SORCS2: variants seen among roughly 807,000 people sequenced by gnomAD.
SORCS2 encodes the protein VPS10 domain-containing receptor SorCS2.
A neutral mutation model predicts 141.6 loss-of-function variants in SORCS2; 100 were observed. That is an observed-to-expected ratio of 0.71 (90% confidence interval 0.60 to 0.83). The LOEUF (loss-of-function observed/expected upper bound fraction) is 0.83, where lower values mean the gene tolerates loss of function less well. Among genes scored for constraint, SORCS2 ranks in the 40% least tolerant of loss-of-function variants. The probability of loss-of-function intolerance (pLI) is 0.00; values close to 1 mark genes in which losing one functional copy is unlikely to be tolerated. For synonymous variants in SORCS2, 789 were observed against 676.9 expected, an observed-to-expected ratio of 1.17 and a Z score of -2.57; for missense variants, 1,646 against 1,560.2, an observed-to-expected ratio of 1.05 and a Z score of -0.93.
At chr4:7,416,758 A>G (rs1047548917) in intron 2 of SORCS2, among the ~76,000 whole-genome samples, 6 of 151,638 alleles carry the variant, frequency 4.0e-5, no homozygotes, top group Non-Finnish European at 8.8e-5. Flanking sequence ...TTGTGCGCAC[A>G]CAGACACATG....
intron 2 of SORCS2, among the ~76,000 whole-genome samples, chr4:7,512,470 G>T (rs992590101): frequency 6.6e-6 from 1 of 151,978 alleles, no homozygotes; most frequent in Admixed American, 6.6e-5. Flanking sequence ...CAGGTAGGAA[G>T]TGTCCCTAGA....
At chr4:7,481,695 G>A (rs1375565681) in intron 2 of SORCS2, among the ~76,000 whole-genome samples, 1 of 152,112 alleles carries the variant, frequency 6.6e-6, no homozygotes, top group East Asian at 1.9e-4. Context: ...CCTGAGCCTC[G>A]GTGGTGGGGA....
At chr4:7,465,305 G>A (rs4391035) in intron 2 of SORCS2, among the ~76,000 whole-genome samples, 70,860 of 152,172 alleles carry the variant, frequency 0.47, 17,055 homozygotes, top group Middle Eastern at 0.52. Flanking sequence ...TGTTAATACT[G>A]CTTTTCCTTT....
intron 1 of SORCS2, among the ~76,000 whole-genome samples, chr4:7,331,816 C>T (rs916869933): frequency 6.6e-6 from 1 of 152,164 alleles, no homozygotes; most frequent in African/African-American, 2.4e-5. Flanking sequence ...AGCCCTGGAC[C>T]CCTGCTGGGA....
At chr4:7,491,906 GC>G (rs1731338996) in intron 2 of SORCS2, among the ~76,000 whole-genome samples, 1 of 152,182 alleles carries the variant, frequency 6.6e-6, no homozygotes, top group Admixed American at 6.5e-5. Context: ...GACAGCAGGG[GC>G]TGCCTGGAGC....
At chr4:7,206,844 A>G (rs1019200206) in intron 1 of SORCS2, among the ~76,000 whole-genome samples, 4 of 152,148 alleles carry the variant, frequency 2.6e-5, no homozygotes, top group African/African-American at 9.7e-5. Flanking sequence ...AAAACAAAAC[A>G]AGACAAAACA....
intron 12 of SORCS2, 63 bp downstream of exon 12, chr4:7,697,337 CTTCTG>C (rs1724779118): frequency 1.5e-6 from 2 of 1,373,420 alleles, no homozygotes; most frequent in South Asian, 2.5e-5. Context: ...TCAGGAGACA[CTTCTG>C]TTCTGTCATC....
chr4:7,313,388 A>G (rs1387240784), intron 1 of SORCS2, among the ~76,000 whole-genome samples: 1 of 152,216 alleles, frequency 6.6e-6, no homozygotes, highest in Non-Finnish European at 1.5e-5. Context: ...GTCTGGGGGA[A>G]GACAGGCCCA....
chr4:7,728,286 C>T, intron 21 of SORCS2, 64 bp from the exon 22 acceptor site: 1 of 1,282,518 alleles, frequency 7.8e-7, no homozygotes, highest in Non-Finnish European at 1.1e-6. Context: ...CCGACCCCCA[C>T]CCTGGAGCCG....
At chr4:7,391,851 A>C (rs1723883981) in intron 1 of SORCS2, among the ~76,000 whole-genome samples, 1 of 151,938 alleles carries the variant, frequency 6.6e-6, no homozygotes, top group Admixed American at 6.5e-5. Flanking sequence ...ATCCGCCCTC[A>C]CTTGCAAGGG....
chr4:7,420,969 C>T (rs971031311), intron 2 of SORCS2, among the ~76,000 whole-genome samples: 18 of 152,352 alleles, frequency 1.2e-4, no homozygotes, highest in African/African-American at 4.3e-4. Context: ...GTGCCCCACT[C>T]AGCACGTGCG....
intron 3 of SORCS2, among the ~76,000 whole-genome samples, chr4:7,561,403 C>T (rs1404015791): frequency 6.6e-6 from 1 of 151,232 alleles, no homozygotes; most frequent in Non-Finnish European, 1.5e-5. Context: ...CATCCATCTA[C>T]CCATCCATCC....
At chr4:7,534,212 C>T (rs542676093) in intron 3 of SORCS2, among the ~76,000 whole-genome samples, 6 of 152,168 alleles carry the variant, frequency 3.9e-5, no homozygotes, top group Non-Finnish European at 5.9e-5. Context: ...TGTGTGCTGC[C>T]GAGTGGACAC....
At chr4:7,382,600 G>A (rs557322618) in intron 1 of SORCS2, among the ~76,000 whole-genome samples, 3 of 152,298 alleles carry the variant, frequency 2.0e-5, no homozygotes, top group African/African-American at 7.2e-5. Flanking sequence ...ATGCCTGTAT[G>A]TTTAGTACTT....
chr4:7,572,160 G>T (rs894439504), intron 3 of SORCS2, among the ~76,000 whole-genome samples: 1 of 152,128 alleles, frequency 6.6e-6, no homozygotes, highest in Admixed American at 6.6e-5. Context: ...GGTCTTCCTT[G>T]GGGCCAAATA....
intron 3 of SORCS2, among the ~76,000 whole-genome samples, chr4:7,629,079 T>G (rs1719705325): frequency 6.6e-6 from 1 of 152,032 alleles, no homozygotes; most frequent in Admixed American, 6.5e-5. Flanking sequence ...CTCGCTGTTT[T>G]GAAATTTCAA....
intron 2 of SORCS2, among the ~76,000 whole-genome samples, chr4:7,408,671 T>C (rs1468870442): frequency 6.6e-6 from 1 of 152,212 alleles, no homozygotes. Flanking sequence ...TTTTCTGTTA[T>C]TATTTCTTTG....
intron 2 of SORCS2, among the ~76,000 whole-genome samples, chr4:7,523,979 G>A (rs1733505656): frequency 1.3e-5 from 2 of 152,198 alleles, no homozygotes; most frequent in Non-Finnish European, 1.5e-5. Flanking sequence ...TTTCTTCACT[G>A]AAAACCAGGA....
intron 3 of SORCS2, among the ~76,000 whole-genome samples, chr4:7,602,646 C>T (rs965527657): frequency 6.0e-5 from 9 of 149,700 alleles, no homozygotes; most frequent in African/African-American, 1.7e-4. Flanking sequence ...GGGATGACTG[C>T]CGGGAAGAGG....
Sources: allele counts gnomAD v4.1 joint callset (sites outside exome capture counted in the v4.1 genomes callset), GRCh38; gene constraint gnomAD v4.1.1; transcripts MANE v1.5; gene names NCBI Gene and HGNC (gene_info 2026-07-23, HGNC 2026-07-21).